The following ADCK1 variants were observed in gnomAD, a reference collection of about 807,000 sequenced individuals.
ADCK1 encodes aarF domain-containing protein kinase 1.
A neutral mutation model predicts 52.3 loss-of-function variants in ADCK1; 41 were observed. The observed-to-expected ratio is 0.78, with a 90% confidence interval of 0.61 to 1.02. The LOEUF (loss-of-function observed/expected upper bound fraction) is 1.02. Ranked by LOEUF, ADCK1 falls within the 50% of genes least tolerant of loss-of-function variation. The pLI, the probability that ADCK1 is intolerant of heterozygous loss-of-function variation, is 0.00. For synonymous variants in ADCK1, 250 were observed against 274.6 expected (o/e 0.91, Z 0.89); for missense variants, 658 against 679.5 (o/e 0.97, Z 0.35).
intron 7 of ADCK1, among the ~76,000 whole-genome samples, chr14:77,911,756 A>G (rs1338069663): frequency 6.8e-6 from 1 of 147,818 alleles, no homozygotes; most frequent in African/African-American, 2.5e-5. Flanking sequence ...TTAAACCATT[A>G]ATGTTTACTG....
At chr14:77,868,023 C>T (rs1384212215) in intron 4 of ADCK1, among the ~76,000 whole-genome samples, 6 of 152,252 alleles carry the variant, frequency 3.9e-5, no homozygotes, top group Non-Finnish European at 7.3e-5. Context: ...CCAGCACCCT[C>T]ATCTTGTATC....
At chr14:77,826,537 G>A (rs895210629) in intron 3 of ADCK1, among the ~76,000 whole-genome samples, 5 of 152,198 alleles carry the variant, frequency 3.3e-5, no homozygotes, top group African/African-American at 1.2e-4. Flanking sequence ...AGGGGCTCAT[G>A]TGCTTTGGAG....
chr14:77,813,564 G>A (rs540726149), intron 1 of ADCK1, among the ~76,000 whole-genome samples: 11 of 151,952 alleles, frequency 7.2e-5, no homozygotes, highest in South Asian at 2.1e-4. Flanking sequence ...CCGCCTTGGC[G>A]TCCCAAAGTG....
In ADCK1 at chr14:77,859,285, C is replaced by T. The variant is rs77725622; in HGVS notation, c.423+6C>T. ...GAGAAGATCTGGGCAAGGAGGTACC[C>T]ACCTTTGCAGGGGGGATGGGCCTTG... On this transcript the variant is annotated splice_donor_region_variant and intron_variant, in intron 4 of 10. Coordinates refer to ENST00000238561, the MANE Select transcript of ADCK1 (RefSeq NM_020421.4). The T allele has an allele frequency of 4.5e-4, 722 of 1,611,980 alleles. 10 individuals carry two copies. The East Asian group carries it at 0.016, about 35-fold the overall frequency.
At chr14:77,803,276 T>C (rs1348342473) in intron 1 of ADCK1, among the ~76,000 whole-genome samples, 1 of 152,144 alleles carries the variant, frequency 6.6e-6, no homozygotes, top group Admixed American at 6.6e-5. Flanking sequence ...CATGGTCACT[T>C]TTCATGGAAC....
At chr14:77,814,416 T>C (rs1213417792) in intron 1 of ADCK1, among the ~76,000 whole-genome samples, 2 of 122,740 alleles carry the variant, frequency 1.6e-5, no homozygotes, top group East Asian at 2.3e-4. Flanking sequence ...CAATGAAGCC[T>C]CTCTTTACTG....
chr14:77,868,651 C>A (rs1008179717), intron 4 of ADCK1, among the ~76,000 whole-genome samples: 3 of 152,158 alleles, frequency 2.0e-5, no homozygotes, highest in Admixed American at 6.5e-5. Flanking sequence ...CGTGCCCAAG[C>A]CCTCTGATCG....
At chr14:77,861,219 C>T (rs929401526) in intron 4 of ADCK1, among the ~76,000 whole-genome samples, 6 of 152,266 alleles carry the variant, frequency 3.9e-5, no homozygotes, top group South Asian at 2.1e-4. Flanking sequence ...GGGTGTCCCT[C>T]GCAGCTGGGG....
At chr14:77,883,960 C>A (rs1469265788) in intron 4 of ADCK1, among the ~76,000 whole-genome samples, 1 of 152,182 alleles carries the variant, frequency 6.6e-6, no homozygotes, top group Non-Finnish European at 1.5e-5. Flanking sequence ...CAGGCTTCCT[C>A]TCGCCCTGGA....
At chr14:77,918,727 G>C (rs956728004) in intron 7 of ADCK1, among the ~76,000 whole-genome samples, 3 of 152,050 alleles carry the variant, frequency 2.0e-5, no homozygotes, top group Non-Finnish European at 4.4e-5. Context: ...GACATTCTTG[G>C]GCATTGTTCA....
At chr14:77,862,450 T>A (rs11622297) in intron 4 of ADCK1, among the ~76,000 whole-genome samples, 57,699 of 152,052 alleles carry the variant, frequency 0.38, 11,745 homozygotes, top group Admixed American at 0.51. Context: ...TGTGGGGGGA[T>A]CCCTGACCAG....
At chr14:77,807,862 T>G (rs2081263531) in intron 1 of ADCK1, among the ~76,000 whole-genome samples, 1 of 151,830 alleles carries the variant, frequency 6.6e-6, no homozygotes, top group African/African-American at 2.4e-5. Context: ...AGTCTGGTCT[T>G]GAACTCCTGA....
intron 1 of ADCK1, among the ~76,000 whole-genome samples, chr14:77,802,291 ACT>A (rs1185108742): frequency 6.7e-6 from 1 of 149,704 alleles, no homozygotes; most frequent in African/African-American, 2.5e-5. Context: ...TTGGAAGCTC[ACT>A]CTCTTCTCTT....
rs904747007 is a variant in ADCK1, at chr14:77,934,608, T to C, written c.*1217T>C. 1.3e-5 allele frequency: 2 copies of C among 152,310 alleles called. No individual in the cohort carries two copies. The highest frequency in any genetic ancestry group is 2.9e-5 in the Non-Finnish European group (2 of 68,116). 9.4% of individuals were successfully genotyped at this position (152,310 alleles called of 1,614,324 possible). On this transcript the variant is annotated 3_prime_UTR_variant, in exon 11 of 11. Transcript: ENST00000238561. The stretch of plus-strand genomic sequence containing the variant: ...GCACTGCCTCTCCCCCCAGCCTGGT[T>C]GTCTGCTTCTGTTTCTTGGACATCC...
intron 9 of ADCK1, among the ~76,000 whole-genome samples, chr14:77,926,853 A>C (rs1247459972): frequency 1.3e-5 from 2 of 152,116 alleles, no homozygotes; most frequent in African/African-American, 4.8e-5. Flanking sequence ...GGGCGAGCTC[A>C]TTCCTCCTGG....
intron 4 of ADCK1, among the ~76,000 whole-genome samples, chr14:77,866,557 G>A (rs2082665555): frequency 6.6e-6 from 1 of 152,166 alleles, no homozygotes; most frequent in African/African-American, 2.4e-5. Flanking sequence ...AAGGCCCTTT[G>A]GCAGCTCTCC....
At chr14:77,839,581 A>G (rs1242245719) in intron 3 of ADCK1, among the ~76,000 whole-genome samples, 1 of 152,134 alleles carries the variant, frequency 6.6e-6, no homozygotes, top group Non-Finnish European at 1.5e-5. Context: ...AGCAGTGCAC[A>G]ATGCAGGCCT....
At chr14:77,827,857 C>G (rs1263415623) in intron 3 of ADCK1, 1 of 413,816 alleles carries the variant, frequency 2.4e-6, no homozygotes. Flanking sequence ...GAGCTAGAGT[C>G]TTGCTGTATC....
intron 4 of ADCK1, among the ~76,000 whole-genome samples, chr14:77,886,092 G>A (rs968333380): frequency 3.9e-5 from 6 of 152,240 alleles, no homozygotes; most frequent in East Asian, 3.8e-4. Flanking sequence ...GCCTACCTTC[G>A]AGTGGCATTG....
Sources: allele counts gnomAD v4.1 joint callset (sites outside exome capture counted in the v4.1 genomes callset), GRCh38; gene constraint gnomAD v4.1.1; transcripts MANE v1.5; gene names NCBI Gene and HGNC (gene_info 2026-07-23, HGNC 2026-07-21).